ADGB: variants seen among roughly 807,000 people sequenced by gnomAD.
The protein encoded by ADGB is calpain-7-like protein.
A neutral mutation model predicts 210.5 loss-of-function variants in ADGB; 172 were observed. The observed-to-expected ratio is 0.82, with a 90% confidence interval of 0.72 to 0.93. The LOEUF (loss-of-function observed/expected upper bound fraction) is 0.93, where lower values mean the gene tolerates loss of function less well. ADGB is among the 40% of genes least tolerant of loss of function. The pLI is 0.00. For missense variants in ADGB, 2,025 were observed against 1,964.8 expected, an observed-to-expected ratio of 1.03 and a Z score of -0.58; for synonymous variants, 658 against 662.7, an observed-to-expected ratio of 0.99 and a Z score of 0.11.
rs541264355 is a variant in ADGB at position 146,784,241 on chromosome 6, CTA to C, written c.4036-376_4036-375del. ...TTCAGTCACCATAGATTAGTTTTGC[CTA>C]AATTGCTCTGGAATTTCATACTAAT... On this transcript the variant is annotated intron_variant, in intron 30 of 35. Transcript: ENST00000397944. Among the ~76,000 whole-genome samples, 82 of 152,128 alleles carry C rather than the reference CTA, an allele frequency of 5.4e-4. 1 individual carries two copies. The highest frequency in any genetic ancestry group is 3.2e-3 in the Middle Eastern group (1 of 316).
Position 146,784,661 on chromosome 6 carries a change from A to G in ADGB, c.4079A>G (p.Tyr1360Cys), listed in dbSNP as rs576114739. ...CAACAAGAAGACCCAAATAAACCCT[A>G]CTGGATTTTGAGGTTGGTCACTGAA... Reference protein sequence around the residue: ...HPQQEDPNKPYWILRLVTEHN... With the variant: ...HPQQEDPNKPCWILRLVTEHN... Residue 1360 changes from tyrosine to cysteine, a missense_variant, in exon 31 of 36, where the codon TAC becomes TGC. Physicochemically the swap from Tyr to Cys is radical, Grantham distance 194. Transcript: ENST00000397944. The G allele has an allele frequency of 1.0e-4, 156 of 1,551,458 alleles. No individual in the cohort carries two copies. In the East Asian group the frequency reaches 3.6e-3, roughly 36 times the overall value.
chr6:146,607,344 G>A (rs1780646804), intron 1 of ADGB, among the ~76,000 whole-genome samples: 1 of 152,158 alleles, frequency 6.6e-6, no homozygotes, highest in African/African-American at 2.4e-5. Context: ...TACAAAGAGA[G>A]ATAGTTTGAC....
At chr6:146,685,290 G>C (rs1776215389) in intron 9 of ADGB, among the ~76,000 whole-genome samples, 1 of 151,664 alleles carries the variant, frequency 6.6e-6, no homozygotes. Context: ...TTTTACTTAT[G>C]TTTTCTTTCT....
rs558734443 is a variant in ADGB at position 146,680,028 on chromosome 6, A to G, written c.1216+3587A>G. ...AAGCAAAAATCAATAACATTAGAAT[A>G]TGACTCAGTGGAATAGTAAGTTGGA... On this transcript the variant is annotated intron_variant, in intron 9 of 35. Transcript: ENST00000397944. Among the ~76,000 whole-genome samples, 3 of 152,314 alleles carry G rather than the reference A, an allele frequency of 2.0e-5. No homozygotes were observed. In the Middle Eastern group the frequency reaches 0.01, roughly 518 times the overall value.
intron 27 of ADGB, among the ~76,000 whole-genome samples, chr6:146,756,724 A>G (rs956753700): frequency 5.3e-5 from 8 of 151,564 alleles, no homozygotes; most frequent in African/African-American, 1.7e-4. Flanking sequence ...CAACATGTTC[A>G]TCATCATTTT....
intron 1 of ADGB, among the ~76,000 whole-genome samples, chr6:146,603,670 A>C (rs1780592711): frequency 6.6e-6 from 1 of 152,222 alleles, no homozygotes; most frequent in South Asian, 2.1e-4. Flanking sequence ...AGTTAATCTA[A>C]CTTTTGACTA....
intron 35 of ADGB, chr6:146,802,633 A>G (rs754368049): frequency 1.5e-6 from 1 of 656,212 alleles, no homozygotes; most frequent in Non-Finnish European, 2.5e-6. Flanking sequence ...TGTGAAGCAG[A>G]TTGTTGGGAT....
At chr6:146,702,544 G>A (rs1166219492) in intron 13 of ADGB, among the ~76,000 whole-genome samples, 2 of 151,650 alleles carry the variant, frequency 1.3e-5, no homozygotes, top group Non-Finnish European at 3.0e-5. Context: ...TCTGCCCTCC[G>A]TAGGAAACTT....
At chr6:146,668,546 T>C (rs984113469) in intron 7 of ADGB, among the ~76,000 whole-genome samples, 5 of 152,124 alleles carry the variant, frequency 3.3e-5, no homozygotes, top group Admixed American at 6.6e-5. Context: ...AATGACTTCC[T>C]GACATAATGT....
At chr6:146,646,401 AG>A (rs1775611508) in intron 3 of ADGB, among the ~76,000 whole-genome samples, 3 of 152,152 alleles carry the variant, frequency 2.0e-5, no homozygotes, top group African/African-American at 7.2e-5. Flanking sequence ...AGAGGTAGAC[AG>A]GTGTTTATTA....
intron 9 of ADGB, among the ~76,000 whole-genome samples, chr6:146,682,316 A>G (rs2114912971): frequency 6.6e-6 from 1 of 152,280 alleles, no homozygotes; most frequent in East Asian, 1.9e-4. Context: ...AAGCTGTATC[A>G]CATGTAAAAT....
chr6:146,639,841 C>T (rs567412486), intron 2 of ADGB: 9 of 151,938 alleles, frequency 5.9e-5, no homozygotes, highest in East Asian at 1.9e-4. Flanking sequence ...AATCTAACTT[C>T]GCAATTGAAA....
At chr6:146,796,859 C>T (rs949734575) in intron 33 of ADGB, among the ~76,000 whole-genome samples, 1 of 152,036 alleles carries the variant, frequency 6.6e-6, no homozygotes, top group African/African-American at 2.4e-5. Flanking sequence ...GAGAATTAAA[C>T]TAAAAAGCTT....
At chr6:146,599,731 T>A (rs1406537534) in intron 1 of ADGB, among the ~76,000 whole-genome samples, 1 of 152,214 alleles carries the variant, frequency 6.6e-6, no homozygotes. Flanking sequence ...TGTTAGGTGT[T>A]GTGTCTTAGG....
At chr6:146,662,786 A>G (rs545244889) in intron 5 of ADGB, among the ~76,000 whole-genome samples, 13 of 151,690 alleles carry the variant, frequency 8.6e-5, no homozygotes, top group Middle Eastern at 3.4e-3. Context: ...TTCAGAAGGC[A>G]CATCCTGGCT....
chr6:146,777,993 T>C (rs1777745635), intron 29 of ADGB, among the ~76,000 whole-genome samples: 1 of 152,168 alleles, frequency 6.6e-6, no homozygotes, highest in Non-Finnish European at 1.5e-5. Context: ...AAGCACACCA[T>C]TAGCAGCCAT....
At position 146,740,439 on chromosome 6, in the gene ADGB, A is replaced by C; in HGVS notation, c.2889-20A>C. 1 of 1,505,818 alleles carries C rather than the reference A, an allele frequency of 6.6e-7. No homozygotes were observed. Among genetic ancestry groups the C allele is most frequent in the Non-Finnish European group, 8.9e-7 (1 of 1,124,464 alleles). 93.3% of individuals were successfully genotyped at this position (1,505,818 alleles called of 1,614,324 possible). A position where few individuals can be genotyped will look rare whatever the true frequency, so the allele number is the denominator to read the frequency against. ...AAGTGGCTTTTGCCATTGATACATA[A>C]TTTATTTTTATATTTCTAGACTAAT... On this transcript the variant is annotated intron_variant, in intron 23 of 35. Transcript: ENST00000397944.
intron 27 of ADGB, among the ~76,000 whole-genome samples, chr6:146,757,516 G>A (rs1777424898): frequency 6.6e-6 from 1 of 151,438 alleles, no homozygotes; most frequent in African/African-American, 2.4e-5. Context: ...AAAGTCTTTT[G>A]TTCCTGTCAT....
chr6:146,636,338 A>C (rs941661408), intron 2 of ADGB, among the ~76,000 whole-genome samples: 1 of 152,074 alleles, frequency 6.6e-6, no homozygotes. Context: ...TTTTGTTCAC[A>C]AAAGATTGTA....
Sources: allele counts gnomAD v4.1 joint callset (sites outside exome capture counted in the v4.1 genomes callset), GRCh38; gene constraint gnomAD v4.1.1; transcripts MANE v1.5; gene names NCBI Gene and HGNC (gene_info 2026-07-23, HGNC 2026-07-21).